Variants in TAFA1 observed in about 807,000 individuals in gnomAD.
TAFA1 encodes TAFA chemokine like family member 1.
TAFA1 carries 4 observed loss-of-function variants against 18.5 expected under a neutral mutation model. The ratio of observed to expected loss-of-function variants is 0.22; its 90% CI spans 0.11 to 0.49. TAFA1 has a LOEUF of 0.49. TAFA1 is among the 20% of genes least tolerant of loss of function. The pLI, the probability that TAFA1 is intolerant of heterozygous loss-of-function variation, is 0.98. For missense variants in TAFA1, 147 were observed against 169.0 expected (o/e 0.87, Z 0.72); for synonymous variants, 56 against 55.2 (o/e 1.01, Z -0.06).
At chr3:68,048,023 A>C (rs2064413633) in intron 2 of TAFA1, among the ~76,000 whole-genome samples, 1 of 152,132 alleles carries the variant, frequency 6.6e-6, no homozygotes, top group Admixed American at 6.6e-5. Context: ...AATTGTAGAG[A>C]AATCAACCCA....
intron 3 of TAFA1, among the ~76,000 whole-genome samples, chr3:68,517,594 G>A (rs2072942440): frequency 2.0e-5 from 3 of 152,134 alleles, no homozygotes; most frequent in Admixed American, 2.0e-4. Flanking sequence ...ATAGATTTCT[G>A]TACTGAAGAA....
intron 3 of TAFA1, among the ~76,000 whole-genome samples, chr3:68,499,659 G>C (rs537296816): frequency 2.2e-4 from 33 of 151,850 alleles, no homozygotes; most frequent in African/African-American, 7.0e-4. Flanking sequence ...TAAAGTTCTA[G>C]TAGAACTAAG....
chr3:68,369,281 G>A (rs916311798), intron 2 of TAFA1, among the ~76,000 whole-genome samples: 7 of 152,130 alleles, frequency 4.6e-5, no homozygotes, highest in African/African-American at 1.7e-4. Context: ...CATTGTAATA[G>A]GTAAGATGAG....
chr3:68,087,338 A>G (rs909384068), intron 2 of TAFA1, among the ~76,000 whole-genome samples: 1 of 152,192 alleles, frequency 6.6e-6, no homozygotes, highest in Admixed American at 6.5e-5. Context: ...GTTAGAGGAC[A>G]TGAGGTTGCC....
chr3:68,260,720 T>A (rs1409102587), intron 2 of TAFA1, among the ~76,000 whole-genome samples: 1 of 152,126 alleles, frequency 6.6e-6, no homozygotes, highest in Admixed American at 6.6e-5. Context: ...TAGCCATATG[T>A]AGAAAGCTGA....
intron 2 of TAFA1, among the ~76,000 whole-genome samples, chr3:68,180,230 G>A (rs62248264): frequency 0.092 from 13,928 of 151,182 alleles, 715 homozygotes; most frequent in South Asian, 0.14. Flanking sequence ...AGTAGAGACA[G>A]TCTTTCACTA....
chr3:68,543,780 T>G (rs1353116313), intron 4 of TAFA1, among the ~76,000 whole-genome samples: 1 of 152,138 alleles, frequency 6.6e-6, no homozygotes, highest in Non-Finnish European at 1.5e-5. Context: ...CTTTTGAATA[T>G]TTGAGCCTTT....
chr3:68,349,127 T>C (rs1017030081), intron 2 of TAFA1, among the ~76,000 whole-genome samples: 18 of 151,802 alleles, frequency 1.2e-4, no homozygotes, highest in African/African-American at 4.4e-4. Flanking sequence ...TGCTATTTTC[T>C]AAGGACATCA....
intron 3 of TAFA1, among the ~76,000 whole-genome samples, chr3:68,524,346 A>G (rs1452207421): frequency 2.0e-5 from 3 of 152,164 alleles, no homozygotes; most frequent in Non-Finnish European, 2.9e-5. Context: ...TGAAAAAATC[A>G]TATAACCAAA....
chr3:68,347,700 C>T (rs2069187632), intron 2 of TAFA1, among the ~76,000 whole-genome samples: 1 of 152,224 alleles, frequency 6.6e-6, no homozygotes, highest in Admixed American at 6.5e-5. Flanking sequence ...GATTCCAGCT[C>T]AGAAATCACT....
At chr3:68,354,170 A>G (rs970824636) in intron 2 of TAFA1, among the ~76,000 whole-genome samples, 4 of 148,322 alleles carry the variant, frequency 2.7e-5, no homozygotes, top group African/African-American at 1.0e-4. Flanking sequence ...TTTTTTTTCT[A>G]TCCCAAGATT....
rs542025883 is a variant in TAFA1, at chr3:68,232,804, A to G, written c.119-184476A>G. Among the ~76,000 whole-genome samples, 14 of 152,174 alleles carry G rather than the reference A, an allele frequency of 9.2e-5. No homozygotes were observed. In the South Asian group the frequency reaches 2.9e-3, roughly 32 times the overall value. On this transcript the variant is annotated intron_variant, in intron 2 of 4. Coordinates refer to ENST00000478136, the MANE Select transcript of TAFA1 (RefSeq NM_213609.4). ...ATATTTGTAGAGATGAGGTCTCGTT[A>G]CGTTTCTCAGTCTGGTCTTGAACAC...
intron 2 of TAFA1, among the ~76,000 whole-genome samples, chr3:68,225,273 T>C (rs985105364): frequency 5.3e-5 from 8 of 152,130 alleles, no homozygotes; most frequent in Admixed American, 1.3e-4. Flanking sequence ...CCTAGTGTAC[T>C]CTCATGTCAA....
At chr3:68,527,308 C>G (rs1404902140) in intron 3 of TAFA1, among the ~76,000 whole-genome samples, 4 of 152,078 alleles carry the variant, frequency 2.6e-5, no homozygotes, top group African/African-American at 9.7e-5. Context: ...CCTTGAGTTG[C>G]AAAAGGTCTC....
chr3:68,178,636 A>C (rs1362020862), intron 2 of TAFA1, among the ~76,000 whole-genome samples: 1 of 152,260 alleles, frequency 6.6e-6, no homozygotes, highest in Non-Finnish European at 1.5e-5. Flanking sequence ...ACAGATATAT[A>C]TGCCCTGGGG....
chr3:68,130,426 C>T (rs1322789424), intron 2 of TAFA1, among the ~76,000 whole-genome samples: 1 of 152,164 alleles, frequency 6.6e-6, no homozygotes, highest in Non-Finnish European at 1.5e-5. Context: ...TGCTACCACA[C>T]TCAACCAAAC....
chr3:68,149,329 T>C (rs1264068722), intron 2 of TAFA1, among the ~76,000 whole-genome samples: 2 of 152,316 alleles, frequency 1.3e-5, no homozygotes, highest in South Asian at 2.1e-4. Context: ...TAAATTGAAA[T>C]GAAGGCACAA....
At chr3:68,432,023 T>C (rs1285076003) in intron 3 of TAFA1, among the ~76,000 whole-genome samples, 1 of 152,006 alleles carries the variant, frequency 6.6e-6, no homozygotes, top group Non-Finnish European at 1.5e-5. Context: ...AATTTACAGG[T>C]AACACCAGTA....
chr3:68,125,032 A>G (rs887881179), intron 2 of TAFA1, among the ~76,000 whole-genome samples: 2 of 152,242 alleles, frequency 1.3e-5, no homozygotes, highest in African/African-American at 4.8e-5. Context: ...TGTGCTCGAA[A>G]TAGACATGAA....
Sources: allele counts gnomAD v4.1 joint callset (sites outside exome capture counted in the v4.1 genomes callset), GRCh38; gene constraint gnomAD v4.1.1; transcripts MANE v1.5; gene names NCBI Gene and HGNC (gene_info 2026-07-23, HGNC 2026-07-21).